PATJ: variants seen among roughly 807,000 people sequenced by gnomAD.
The protein encoded by PATJ is inaD-like protein.
A neutral mutation model predicts 224.9 loss-of-function variants in PATJ; 190 were observed. The ratio of observed to expected loss-of-function variants is 0.84; its 90% CI spans 0.75 to 0.95. PATJ has a LOEUF of 0.95. Among genes scored for constraint, PATJ ranks in the 40% least tolerant of loss-of-function variants. The pLI is 0.00. For missense variants in PATJ, 2,121 were observed against 2,270.3 expected, an observed-to-expected ratio of 0.93 and a Z score of 1.34; for synonymous variants, 769 against 820.3, an observed-to-expected ratio of 0.94 and a Z score of 1.07.
At chr1:62,128,348 C>A in intron 40 of PATJ, 1 of 399,454 alleles carries the variant, frequency 2.5e-6, no homozygotes, top group Non-Finnish European at 4.5e-6. Flanking sequence ...CTCCTTTACC[C>A]TTTTAAGCAC....
intron 26 of PATJ, among the ~76,000 whole-genome samples, chr1:61,918,459 C>A (rs1353980242): frequency 1.3e-5 from 2 of 151,792 alleles, no homozygotes; most frequent in African/African-American, 4.8e-5. Flanking sequence ...AGGCATGCGC[C>A]ACCATGCCTG....
chr1:62,095,647 T>C (rs552913095), intron 33 of PATJ, among the ~76,000 whole-genome samples: 1 of 152,370 alleles, frequency 6.6e-6, no homozygotes, highest in South Asian at 2.1e-4. Context: ...AGCATTTGTC[T>C]GCATTTCTGC....
intron 4 of PATJ, among the ~76,000 whole-genome samples, chr1:61,768,892 C>A (rs1196611510): frequency 1.3e-5 from 2 of 148,478 alleles, no homozygotes; most frequent in Non-Finnish European, 3.0e-5. Flanking sequence ...AGAGCGAGAC[C>A]CTGTCTCCAA....
intron 14 of PATJ, among the ~76,000 whole-genome samples, chr1:61,821,344 G>T (rs539625887): frequency 6.6e-6 from 1 of 152,116 alleles, no homozygotes; most frequent in South Asian, 2.1e-4. Context: ...ATGCCCGGCC[G>T]GAAAAACTAT....
intron 41 of PATJ, among the ~76,000 whole-genome samples, chr1:62,135,382 A>G (rs575216084): frequency 1.3e-5 from 2 of 152,060 alleles, no homozygotes; most frequent in South Asian, 4.2e-4. Context: ...CAGGCATGGT[A>G]ATGCATACCT....
chr1:61,964,742 C>T (rs956306027), intron 27 of PATJ, among the ~76,000 whole-genome samples: 2 of 151,762 alleles, frequency 1.3e-5, no homozygotes, highest in East Asian at 2.0e-4. Flanking sequence ...GAGCCAAGAT[C>T]GTGCCACTGC....
chr1:61,776,541 G>A (rs1269222670), intron 7 of PATJ, among the ~76,000 whole-genome samples: 2 of 152,126 alleles, frequency 1.3e-5, no homozygotes. Context: ...TGATCATTTA[G>A]TGCATGTCTT....
chr1:61,779,329 T>C (rs924446311), intron 7 of PATJ, among the ~76,000 whole-genome samples: 1 of 152,238 alleles, frequency 6.6e-6, no homozygotes, highest in African/African-American at 2.4e-5. Flanking sequence ...GTTTGAGATC[T>C]ATAGGGCAGG....
intron 29 of PATJ, among the ~76,000 whole-genome samples, chr1:62,022,719 TA>T (rs1421970180): frequency 1.3e-5 from 2 of 152,144 alleles, no homozygotes; most frequent in South Asian, 2.1e-4. Flanking sequence ...GTGTACTGTG[TA>T]AAAACTCCTG....
At chr1:61,959,324 A>C (rs1680886886) in intron 27 of PATJ, among the ~76,000 whole-genome samples, 1 of 151,160 alleles carries the variant, frequency 6.6e-6, no homozygotes, top group South Asian at 2.1e-4. Context: ...AAACTTAAGA[A>C]AGAAAATTAA....
intron 27 of PATJ, among the ~76,000 whole-genome samples, chr1:61,936,453 C>A (rs966344262): frequency 9.7e-5 from 13 of 134,070 alleles, no homozygotes; most frequent in Non-Finnish European, 1.8e-4. Flanking sequence ...AAAAAAAAAG[C>A]CGGAAAGGAA....
In PATJ at chr1:61,914,625, C is replaced by G. The variant is rs766357795; in HGVS notation, c.3531C>G (p.Thr1177=). 1 of 1,583,288 alleles carries G rather than the reference C, an allele frequency of 6.3e-7. No individual in the cohort carries two copies. The highest frequency in any genetic ancestry group is 1.7e-4 in the Middle Eastern group (1 of 6,004). The change falls in exon 26 of 44, where the codon ACC becomes ACG. Residue 1177 remains threonine, a synonymous_variant. Coordinates refer to ENST00000642238, the MANE Select transcript of PATJ (RefSeq NM_001350145.3). ...TACATAACAAGGCCAACAAAATCAC[C>G]GGTAACCAGAACCAGGACACCCAAG... ...PNVHNKANKI[T]GNQNQDTQEK...
intron 21 of PATJ, among the ~76,000 whole-genome samples, chr1:61,883,340 A>G (rs1571095562): frequency 6.6e-6 from 1 of 152,128 alleles, no homozygotes; most frequent in South Asian, 2.1e-4. Context: ...GGCAATCTGT[A>G]CCCTTTACCT....
In PATJ at chr1:61,918,326, T is replaced by TTG. The variant is rs1381873360; in HGVS notation, c.3570+3662_3570+3663insTG. ...TGTATTCTTTTTTTTTTTTTTTTTT[T>TTG]GGAGACAGTCTTGCTGTGTCACCCA... On this transcript the variant is annotated intron_variant, in intron 26 of 43. Transcript: ENST00000642238. Among the ~76,000 whole-genome samples the TTG allele has an allele frequency of 7.0e-3, 1,038 of 147,450 alleles. 13 individuals carry two copies. Among genetic ancestry groups the TTG allele is most frequent in the African/African-American group, 0.025 (989 of 40,104 alleles).
intron 8 of PATJ, among the ~76,000 whole-genome samples, chr1:61,789,439 T>C (rs1649306651): frequency 6.6e-6 from 1 of 152,138 alleles, no homozygotes; most frequent in Non-Finnish European, 1.5e-5. Flanking sequence ...TGTCATTCTG[T>C]GTATTCTGGG....
At chr1:62,066,809 G>C (rs1019864607) in intron 31 of PATJ, among the ~76,000 whole-genome samples, 1 of 152,144 alleles carries the variant, frequency 6.6e-6, no homozygotes, top group South Asian at 2.1e-4. Context: ...TGGTGGGCAG[G>C]GGGCTAGGGA....
At position 61,946,491 on chromosome 1, in the gene PATJ, C is replaced by A. The variant is rs866134995; in HGVS notation, c.3670+18662C>A. On this transcript the variant is annotated intron_variant, in intron 27 of 43. Coordinates refer to ENST00000642238, the MANE Select transcript of PATJ (RefSeq NM_001350145.3). ...GAAGAAATGGATAAATTCCTGGACACATACACCCTCCCAAGACTAAACCAG... is the reference window on the plus strand; with the variant it reads ...GAAGAAATGGATAAATTCCTGGACAAATACACCCTCCCAAGACTAAACCAG... Among the ~76,000 whole-genome samples, 20 of 152,294 alleles carry A rather than the reference C, an allele frequency of 1.3e-4. 1 individual carries two copies. Among genetic ancestry groups the A allele is most frequent in the African/African-American group, 4.8e-4 (20 of 41,554 alleles).
intron 28 of PATJ, among the ~76,000 whole-genome samples, chr1:61,999,194 C>G (rs992108814): frequency 9.9e-5 from 15 of 152,038 alleles, no homozygotes; most frequent in Admixed American, 4.6e-4. Flanking sequence ...TGCGATTTTC[C>G]CCCATGTCTT....
intron 33 of PATJ, among the ~76,000 whole-genome samples, chr1:62,094,514 G>A: frequency 6.7e-6 from 1 of 148,866 alleles, no homozygotes; most frequent in East Asian, 2.0e-4. Context: ...CAAAGTGCTG[G>A]GATTATAGGC....
Sources: gnomAD v4.1 joint callset for allele counts (sites outside exome capture counted in the v4.1 genomes callset) on GRCh38, gnomAD v4.1.1 for gene constraint, MANE v1.5 for transcripts, NCBI Gene and HGNC (gene_info 2026-07-23, HGNC 2026-07-21) for gene names.